The following SCLT1 variants were observed in gnomAD, a reference collection of about 807,000 sequenced individuals.
The protein encoded by SCLT1 is sodium channel-associated protein 1.
In SCLT1, 78 loss-of-function variants were observed where a neutral mutation model predicts 112.8. That is an observed-to-expected ratio of 0.69 (90% CI 0.58 to 0.83). The LOEUF (loss-of-function observed/expected upper bound fraction) is 0.83, where lower values mean the gene tolerates loss of function less well. Ranked by LOEUF, SCLT1 falls within the 40% of genes least tolerant of loss-of-function variation. The pLI, the probability that SCLT1 is intolerant of heterozygous loss-of-function variation, is 0.00. For synonymous variants in SCLT1, 257 were observed against 254.7 expected (o/e 1.01, Z -0.09); for missense variants, 747 against 770.4 (o/e 0.97, Z 0.36).
intron 4 of SCLT1, chr4:128,874,829 T>C (rs1474820406): frequency 6.6e-6 from 1 of 152,666 alleles, no homozygotes; most frequent in Admixed American, 6.5e-5. Flanking sequence ...GTTAAACTTT[T>C]GTAAAGTTGC....
At chr4:128,975,588 G>A (rs1741100715) in intron 9 of SCLT1, among the ~76,000 whole-genome samples, 1 of 152,124 alleles carries the variant, frequency 6.6e-6, no homozygotes, top group East Asian at 1.9e-4. Flanking sequence ...TTTGCATACA[G>A]TGAAAAATGG....
Position 129,093,214 on chromosome 4 carries a change from C to A in SCLT1, c.-111G>T, listed in dbSNP as rs1753014594. 9.9e-6 allele frequency: 10 copies of A among 1,008,090 alleles called. No homozygotes were observed. Among genetic ancestry groups the A allele is most frequent in the Non-Finnish European group, 1.6e-5 (10 of 635,726 alleles). The allele number at this position is 1,008,090 out of a possible 1,614,324, so 62.4% of individuals were successfully genotyped here. A position where few individuals can be genotyped will look rare whatever the true frequency, so the allele number is the denominator to read the frequency against. ...AGCCAACGCTCGGTTGGTTGTCAAG[C>A]GCTCCAGCGGTGCAATCTGCATCCT... On this transcript the variant is annotated 5_prime_UTR_variant, in exon 1 of 21. Transcript: ENST00000281142.
chr4:128,914,238 C>T (rs141042423), intron 18 of SCLT1, among the ~76,000 whole-genome samples: 313 of 151,904 alleles, frequency 2.1e-3, no homozygotes, highest in Non-Finnish European at 3.7e-3. Flanking sequence ...TGGTGGCTGG[C>T]GCCTGTAGTC....
intron 2 of SCLT1, among the ~76,000 whole-genome samples, chr4:129,078,745 T>G (rs180795328): frequency 6.6e-6 from 1 of 152,262 alleles, no homozygotes; most frequent in Non-Finnish European, 1.5e-5. Flanking sequence ...AAAAACAAGC[T>G]CTTCACTTTT....
intron 14 of SCLT1, among the ~76,000 whole-genome samples, chr4:128,952,104 CAG>C (rs1397420288): frequency 6.6e-6 from 1 of 152,238 alleles, no homozygotes; most frequent in East Asian, 1.9e-4. Context: ...TGGAGAGAGA[CAG>C]AGTGTGTATG....
chr4:129,061,422 G>A lies in SCLT1; in HGVS notation c.103-17371C>T, dbSNP rs551660844. ...GGTGGGGTGTTTCAGCTTAGTCACT[G>A]ATGTTTCCTTGGGATAAGCAACTCA... On this transcript the variant is annotated intron_variant, in intron 2 of 20. Coordinates refer to ENST00000281142, the MANE Select transcript of SCLT1 (RefSeq NM_144643.4). Among the ~76,000 whole-genome samples the A allele has an allele frequency of 3.3e-5, 5 of 152,070 alleles. No individual in the cohort carries two copies. The South Asian group carries it at 8.3e-4, about 25-fold the overall frequency.
intron 2 of SCLT1, among the ~76,000 whole-genome samples, chr4:129,078,798 G>A (rs954483772): frequency 6.6e-6 from 1 of 152,064 alleles, no homozygotes; most frequent in Admixed American, 6.5e-5. Flanking sequence ...GTCCATTCTT[G>A]CACTGCTATA....
chr4:128,959,782 A>T lies in SCLT1; in HGVS notation c.870-5T>A. 6.2e-7 allele frequency: 1 copy of T among 1,609,002 alleles called. No individual in the cohort carries two copies. Among genetic ancestry groups the T allele is most frequent in the Non-Finnish European group, 8.5e-7 (1 of 1,177,302 alleles). The stretch of plus-strand genomic sequence containing the variant: ...TCTTGGATTGTCACACATAATCTAG[A>T]AATCAATAATTACACTGGGAAAGTT... On this transcript the variant is annotated splice_region_variant and splice_polypyrimidine_tract_variant and intron_variant, in intron 11 of 20. Transcript: ENST00000281142.
At chr4:128,944,401 A>C (rs1411363480) in intron 16 of SCLT1, among the ~76,000 whole-genome samples, 1 of 152,192 alleles carries the variant, frequency 6.6e-6, no homozygotes, top group African/African-American at 2.4e-5. Context: ...CAACAAAAAA[A>C]GAAAGCTAGA....
chr4:128,946,163 G>C lies in SCLT1; in HGVS notation c.1294-11C>G. 2 of 1,575,236 alleles carry C rather than the reference G, an allele frequency of 1.3e-6. No homozygotes were observed. The highest frequency in any genetic ancestry group is 1.7e-6 in the Non-Finnish European group (2 of 1,147,316). ...GCCTTCACGGTAAATCTGCAGAAAA[G>C]GCTTATTAGGTATATAATATTACAG... On this transcript the variant is annotated splice_polypyrimidine_tract_variant and intron_variant, in intron 15 of 20. Transcript: ENST00000281142.
At chr4:129,081,963 A>G (rs1232478194) in intron 2 of SCLT1, among the ~76,000 whole-genome samples, 3 of 152,188 alleles carry the variant, frequency 2.0e-5, no homozygotes, top group Non-Finnish European at 2.9e-5. Context: ...AAAAAACCAT[A>G]TATTATTTAC....
intron 2 of SCLT1, among the ~76,000 whole-genome samples, chr4:129,072,466 A>T: frequency 6.6e-6 from 1 of 152,092 alleles, no homozygotes; most frequent in East Asian, 1.9e-4. Flanking sequence ...TGTTTAACAT[A>T]ATTCCAGACT....
At chr4:128,970,567 T>C (rs1740605886) in intron 9 of SCLT1, 99 bp from the exon 10 acceptor site, 2 of 691,428 alleles carry the variant, frequency 2.9e-6, no homozygotes, top group Admixed American at 2.6e-5. Flanking sequence ...GTTCTAACTC[T>C]TGTTTATCTA....
At chr4:129,048,237 G>A (rs1039317709) in intron 2 of SCLT1, among the ~76,000 whole-genome samples, 9 of 151,988 alleles carry the variant, frequency 5.9e-5, no homozygotes, top group Non-Finnish European at 1.2e-4. Context: ...TATACTACAA[G>A]GCTACAGAAA....
chr4:129,058,820 T>C (rs1300265006), intron 2 of SCLT1, among the ~76,000 whole-genome samples: 2 of 152,186 alleles, frequency 1.3e-5, no homozygotes, highest in African/African-American at 4.8e-5. Flanking sequence ...CACCTATTAT[T>C]GTATTACAGT....
At chr4:128,991,762 C>G (rs549884906) in intron 9 of SCLT1, among the ~76,000 whole-genome samples, 3 of 151,608 alleles carry the variant, frequency 2.0e-5, no homozygotes, top group East Asian at 1.9e-4. Flanking sequence ...TGGATTCAAC[C>G]AATTGCAGAT....
chr4:129,012,994 T>C lies in SCLT1; in HGVS notation c.291-9118A>G, dbSNP rs560695192. On this transcript the variant is annotated intron_variant, in intron 5 of 20. Coordinates refer to ENST00000281142, the MANE Select transcript of SCLT1 (RefSeq NM_144643.4). ...CCATTCTGTGTCTTTTTTTGCTTTT[T>C]AACTTTTATTTTAGTTTTGGGGTAC... Among the ~76,000 whole-genome samples the C allele has an allele frequency of 2.1e-4, 32 of 152,290 alleles. 1 individual carries two copies. The South Asian group carries it at 5.0e-3, about 24-fold the overall frequency.
intron 2 of SCLT1, among the ~76,000 whole-genome samples, chr4:129,077,603 C>A (rs1561058550): frequency 6.6e-6 from 1 of 152,146 alleles, no homozygotes; most frequent in Non-Finnish European, 1.5e-5. Context: ...CTGACCAGAA[C>A]TGTTCTAGGC....
chr4:128,920,916 T>C (rs1579380247), intron 18 of SCLT1, among the ~76,000 whole-genome samples: 2 of 152,274 alleles, frequency 1.3e-5, no homozygotes, highest in African/African-American at 4.8e-5. Flanking sequence ...GAAAACCAAT[T>C]AGTCTCTGCC....
Sources: allele counts gnomAD v4.1 joint callset (sites outside exome capture counted in the v4.1 genomes callset), GRCh38; gene constraint gnomAD v4.1.1; transcripts MANE v1.5; gene names NCBI Gene and HGNC (gene_info 2026-07-23, HGNC 2026-07-21).